CPE: variants seen among roughly 807,000 people sequenced by gnomAD.
CPE encodes the protein carbocypeptidase E.
In CPE, 17 loss-of-function variants were observed where a neutral mutation model predicts 53.5. The ratio of observed to expected loss-of-function variants is 0.32; its 90% CI spans 0.22 to 0.48. CPE has a LOEUF of 0.48. Among genes scored for constraint, CPE ranks in the 20% least tolerant of loss-of-function variants. CPE has a pLI of 0.99. For missense variants in CPE, 524 were observed against 614.7 expected, an observed-to-expected ratio of 0.85 and a Z score of 1.56; for synonymous variants, 226 against 228.8, an observed-to-expected ratio of 0.99 and a Z score of 0.11.
chr4:165,474,524 C>T (rs1468307911), intron 3 of CPE, among the ~76,000 whole-genome samples: 2 of 152,156 alleles, frequency 1.3e-5, no homozygotes, highest in East Asian at 3.9e-4. Context: ...ATAAGCATCT[C>T]CCATTCATCC....
intron 1 of CPE, among the ~76,000 whole-genome samples, chr4:165,388,133 C>T (rs950936645): frequency 6.6e-6 from 1 of 152,180 alleles, no homozygotes; most frequent in Non-Finnish European, 1.5e-5. Flanking sequence ...TAGTCACTGC[C>T]ATTGTGTAAT....
intron 1 of CPE, among the ~76,000 whole-genome samples, chr4:165,439,773 C>T (rs17046491): frequency 3.3e-5 from 5 of 151,938 alleles, no homozygotes; most frequent in African/African-American, 1.2e-4. Context: ...AAGATAGGGG[C>T]AGCAGACTGA....
chr4:165,399,094 T>C (rs1246894712), intron 1 of CPE, among the ~76,000 whole-genome samples: 2 of 152,216 alleles, frequency 1.3e-5, no homozygotes, highest in East Asian at 3.8e-4. Context: ...ATGATCATAT[T>C]AATCTTGATG....
rs778095440 is a variant in CPE at position 165,467,750 on chromosome 4, G to T, written c.567G>T (p.Arg189=). ...ATGCCCAGGGAATAGATCTGAACCG[G>T]AACTTTCCAGACCTGGATAGGATAG... is the stretch of plus-strand genomic sequence containing the variant. ...RSNAQGIDLN[R]NFPDLDRIVY... Residue 189 remains arginine, a synonymous_variant, in exon 3 of 9, where the codon CGG becomes CGT. Transcript: ENST00000402744. 1 of 1,613,692 alleles carries T rather than the reference G, an allele frequency of 6.2e-7. No homozygotes were observed. Among genetic ancestry groups the T allele is most frequent in the East Asian group, 2.2e-5 (1 of 44,832 alleles).
rs550796409 is a variant in CPE at position 165,406,161 on chromosome 4, G to A, written c.307+26633G>A. On this transcript the variant is annotated intron_variant, in intron 1 of 8. Transcript: ENST00000402744. ...GAATGCAGCTGTTTGTTTATTCAGC[G>A]TATTTATCTTTGAATGGGGAGAGTT... 6.9e-4 allele frequency: 503 copies of A among 731,698 alleles called. 1 individual carries two copies. The African/African-American group carries it at 7.0e-3, about 10-fold the overall frequency. The allele number at this position is 731,698 out of a possible 1,614,324, so 45.3% of individuals were successfully genotyped here. A position where few individuals can be genotyped will look rare whatever the true frequency, so the allele number is the denominator to read the frequency against.
At chr4:165,401,606 A>G (rs546764497) in intron 1 of CPE, among the ~76,000 whole-genome samples, 1 of 152,264 alleles carries the variant, frequency 6.6e-6, no homozygotes, top group Non-Finnish European at 1.5e-5. Context: ...CATACACTTA[A>G]TGAATAATAG....
At chr4:165,391,773 A>G (rs1730683436) in intron 1 of CPE, among the ~76,000 whole-genome samples, 1 of 152,148 alleles carries the variant, frequency 6.6e-6, no homozygotes, top group Non-Finnish European at 1.5e-5. Flanking sequence ...AAAAGGGAAC[A>G]AGAAACAACA....
intron 1 of CPE, among the ~76,000 whole-genome samples, chr4:165,411,483 A>C (rs185200016): frequency 6.6e-6 from 1 of 152,300 alleles, no homozygotes; most frequent in African/African-American, 2.4e-5. Context: ...AATCAGTGTC[A>C]TACCAGTTGC....
At chr4:165,407,283 A>G (rs1478950691) in intron 1 of CPE, among the ~76,000 whole-genome samples, 1 of 152,082 alleles carries the variant, frequency 6.6e-6, no homozygotes, top group African/African-American at 2.4e-5. Flanking sequence ...GAGCCATTCT[A>G]CTGGGTGTGA....
chr4:165,454,880 G>T (rs1205180813), intron 1 of CPE, among the ~76,000 whole-genome samples: 1 of 152,168 alleles, frequency 6.6e-6, no homozygotes, highest in African/African-American at 2.4e-5. Flanking sequence ...TACAGCGCCT[G>T]CTTCTCTAGA....
At chr4:165,486,231 A>G (rs1281214919) in intron 5 of CPE, among the ~76,000 whole-genome samples, 1 of 152,136 alleles carries the variant, frequency 6.6e-6, no homozygotes, top group Non-Finnish European at 1.5e-5. Flanking sequence ...GTGAGCTCTA[A>G]CAGCCAACAC....
intron 3 of CPE, among the ~76,000 whole-genome samples, chr4:165,472,888 A>C (rs995464151): frequency 6.6e-6 from 1 of 152,236 alleles, no homozygotes; most frequent in African/African-American, 2.4e-5. Flanking sequence ...GTTAACTCTT[A>C]GCAACTTTTA....
At chr4:165,484,831 C>A (rs1195735769) in intron 5 of CPE, among the ~76,000 whole-genome samples, 1 of 152,046 alleles carries the variant, frequency 6.6e-6, no homozygotes. Flanking sequence ...TGAAGAGATA[C>A]AGGAAATGAA....
At chr4:165,412,894 A>T (rs73003671) in intron 1 of CPE, among the ~76,000 whole-genome samples, 1,980 of 152,298 alleles carry the variant, frequency 0.013, 26 homozygotes, top group African/African-American at 0.032. Flanking sequence ...CGTTATAACC[A>T]GTGATTTTCT....
In CPE at chr4:165,481,020, T is replaced by A. The variant is rs868756359; in HGVS notation, c.673-1222T>A. Among the ~76,000 whole-genome samples, 549 of 136,234 alleles carry A rather than the reference T, an allele frequency of 4.0e-3. 3 individuals are homozygous for A. The highest frequency in any genetic ancestry group is 0.016 in the African/African-American group (496 of 31,076). 89.4% of individuals were successfully genotyped at this position (136,234 alleles called of 152,430 possible). ...GATATATATATATATATATATATTT[T>A]TTTTTTTTTTTTTAGCAAAAATAAG... On this transcript the variant is annotated intron_variant, in intron 3 of 8. Transcript: ENST00000402744.
chr4:165,497,602 A>G lies in CPE; in HGVS notation c.1423A>G (p.Asn475Asp), dbSNP rs1732723144. The change falls in exon 9 of 9, where the codon AAT (asparagine) becomes GAT (aspartate). Residue 475 changes from asparagine to aspartate, a missense_variant. Physicochemically the swap from Asn to Asp is conservative, Grantham distance 23 (BLOSUM62 1). Coordinates refer to ENST00000402744, the MANE Select transcript of CPE (RefSeq NM_001873.4). ...GTGGAAAATGATGTCAGAAACTTTA[A>G]ATTTTTAAAAAGGCTTCTAGTTAGC... ...EWWKMMSETL[N>D]F 3 of 1,560,464 alleles carry G rather than the reference A, an allele frequency of 1.9e-6. No homozygotes were observed. Among genetic ancestry groups the G allele is most frequent in the Non-Finnish European group, 2.6e-6 (3 of 1,155,300 alleles).
intron 3 of CPE, 54 bp from the exon 4 acceptor site, chr4:165,482,188 G>T: frequency 8.6e-7 from 1 of 1,166,980 alleles, no homozygotes; most frequent in Non-Finnish European, 1.2e-6. Context: ...TCTGTCAAGT[G>T]ATCATACCAA....
At chr4:165,422,889 A>G (rs1483914087) in intron 1 of CPE, among the ~76,000 whole-genome samples, 1 of 148,634 alleles carries the variant, frequency 6.7e-6, no homozygotes, top group East Asian at 2.0e-4. Context: ...AGGCAGGAGA[A>G]TGGCGTGAAC....
At chr4:165,413,738 C>A (rs73003681) in intron 1 of CPE, among the ~76,000 whole-genome samples, 3,798 of 152,228 alleles carry the variant, frequency 0.025, 119 homozygotes, top group African/African-American at 0.071. Context: ...AGGGGACAAC[C>A]AACACAGCTC....
Sources: gnomAD v4.1 joint callset for allele counts (sites outside exome capture counted in the v4.1 genomes callset) on GRCh38, gnomAD v4.1.1 for gene constraint, MANE v1.5 for transcripts, NCBI Gene and HGNC (gene_info 2026-07-23, HGNC 2026-07-21) for gene names.